The following HDX variants were observed in gnomAD, a reference collection of about 807,000 sequenced individuals.
The protein encoded by HDX is chromosome X open reading frame 43.
A neutral mutation model predicts 45.2 loss-of-function variants in HDX; 19 were observed. That is an observed-to-expected ratio of 0.42 (90% confidence interval 0.29 to 0.62). HDX has a LOEUF of 0.62. HDX is among the 20% of genes least tolerant of loss of function. The pLI, the probability that HDX is intolerant of heterozygous loss-of-function variation, is 0.20. For synonymous variants in HDX, 188 were observed against 172.8 expected, an observed-to-expected ratio of 1.09 and a Z score of -0.69; for missense variants, 532 against 493.9, an observed-to-expected ratio of 1.08 and a Z score of -0.73.
chrX:84,442,158 C>A (rs1436508247), intron 4 of HDX, among the ~76,000 whole-genome samples: 1 of 111,336 alleles, frequency 9.0e-6, no homozygotes, highest in African/African-American at 3.2e-5. Flanking sequence ...CAAACAGATA[C>A]CTCCTGAGAG....
intron 4 of HDX, among the ~76,000 whole-genome samples, chrX:84,466,664 A>C (rs2040358083): frequency 1.8e-5 from 2 of 112,439 alleles, no homozygotes; most frequent in African/African-American, 3.2e-5. Context: ...ATTATCCTTT[A>C]GGGAGTGGTG....
chrX:84,375,598 C>T, intron 5 of HDX, among the ~76,000 whole-genome samples: 1 of 111,217 alleles, frequency 9.0e-6, no homozygotes, highest in Non-Finnish European at 1.9e-5. Context: ...TTTGTAGGGA[C>T]GTGGATGAAA....
intron 5 of HDX, among the ~76,000 whole-genome samples, chrX:84,387,310 C>G (rs1440210399): frequency 9.0e-6 from 1 of 111,519 alleles, no homozygotes; most frequent in African/African-American, 3.3e-5. Flanking sequence ...AATGTATATT[C>G]TGTGGTTGCT....
intron 9 of HDX, among the ~76,000 whole-genome samples, 159 bp from the exon 10 acceptor site, chrX:84,326,459 C>T (rs1021573648): frequency 9.0e-6 from 1 of 111,302 alleles, no homozygotes; most frequent in Non-Finnish European, 1.9e-5. Context: ...AGAAAATGAT[C>T]CTGTTAGTCA....
At chrX:84,360,434 A>T (rs1190005403) in intron 6 of HDX, among the ~76,000 whole-genome samples, 2 of 112,043 alleles carry the variant, frequency 1.8e-5, no homozygotes, top group Non-Finnish European at 3.8e-5. Flanking sequence ...TTAAAACACC[A>T]CACAATTCAT....
At chrX:84,494,950 A>G (rs1248446265) in intron 1 of HDX, among the ~76,000 whole-genome samples, 1 of 111,755 alleles carries the variant, frequency 8.9e-6, no homozygotes, top group Non-Finnish European at 1.9e-5. Flanking sequence ...CTAAGTGTCT[A>G]TCAACAGATG....
chrX:84,367,652 C>T (rs1373199675), intron 5 of HDX, among the ~76,000 whole-genome samples: 12 of 112,086 alleles, frequency 1.1e-4, no homozygotes, highest in Non-Finnish European at 2.1e-4. Context: ...ACATATATAC[C>T]ATGGAATACA....
rs151016263 is a variant in HDX, at chrX:84,344,217, G to A, written c.1660+33C>T. 551 of 1,044,897 alleles carry A rather than the reference G, an allele frequency of 5.3e-4. 4 individuals are homozygous for A. The African/African-American group carries it at 8.6e-3, about 16-fold the overall frequency. The allele number at this position is 1,044,897 out of a possible 1,213,427, so 86.1% of individuals were successfully genotyped here. On this transcript the variant is annotated intron_variant, in intron 7 of 10. Coordinates refer to ENST00000373177, the MANE Select transcript of HDX (RefSeq NM_001177479.2). ...GTACAAAATGCATCAAATTTACAAA[G>A]GCTATTATTAGAAGATTCAGCATAT...
chrX:84,432,220 A>G (rs1407791559), intron 5 of HDX, among the ~76,000 whole-genome samples: 1 of 111,503 alleles, frequency 9.0e-6, no homozygotes, highest in Non-Finnish European at 1.9e-5. Flanking sequence ...CAATACCATG[A>G]CAGTTTGCTT....
At chrX:84,323,468 C>G (rs1160815696) in intron 10 of HDX, among the ~76,000 whole-genome samples, 1 of 111,271 alleles carries the variant, frequency 9.0e-6, no homozygotes, top group Non-Finnish European at 1.9e-5. Context: ...TTCAAATTAA[C>G]ATTGACTGAA....
At chrX:84,483,049 G>A (rs1262664268) in intron 2 of HDX, among the ~76,000 whole-genome samples, 2 of 112,191 alleles carry the variant, frequency 1.8e-5, no homozygotes. Context: ...TTATGCTGAT[G>A]CAAGGAGTGG....
At chrX:84,455,344 G>C (rs1027622339) in intron 4 of HDX, among the ~76,000 whole-genome samples, 28 of 111,841 alleles carry the variant, frequency 2.5e-4, no homozygotes, top group African/African-American at 8.8e-4. Flanking sequence ...ACATTCACCA[G>C]CCTATCAGAT....
At chrX:84,353,896 A>C (rs1217036699) in intron 6 of HDX, among the ~76,000 whole-genome samples, 2 of 111,400 alleles carry the variant, frequency 1.8e-5, no homozygotes, top group South Asian at 7.6e-4. Context: ...CTTAAACTGA[A>C]CCAATATCTA....
rs186551478 is a variant in HDX, at chrX:84,390,269, G to C, written c.1306-28657C>G. Among the ~76,000 whole-genome samples, 174 of 111,319 alleles carry C rather than the reference G, an allele frequency of 1.6e-3. 1 individual carries two copies. Among genetic ancestry groups the C allele is most frequent in the African/African-American group, 5.3e-3 (163 of 30,649 alleles). ...AATGACATGTGCCTCTAGTTTTAAA[G>C]TATACAGTTTTAAAAGTTGTAAAAT... On this transcript the variant is annotated intron_variant, in intron 5 of 10. Coordinates refer to ENST00000373177, the MANE Select transcript of HDX (RefSeq NM_001177479.2).
At chrX:84,498,009 C>G (rs780695994) in intron 1 of HDX, among the ~76,000 whole-genome samples, 2 of 111,567 alleles carry the variant, frequency 1.8e-5, no homozygotes, top group Non-Finnish European at 3.8e-5. Flanking sequence ...CTGTCCCTAA[C>G]TCCAAGGGAA....
chrX:84,409,331 G>A (rs368057964), intron 5 of HDX, among the ~76,000 whole-genome samples: 1,326 of 110,871 alleles, frequency 0.012, 8 homozygotes, highest in Non-Finnish European at 0.019. Flanking sequence ...CTCAGGGATC[G>A]AGAACTAGAA....
intron 5 of HDX, among the ~76,000 whole-genome samples, chrX:84,396,675 A>T (rs1017013008): frequency 9.0e-6 from 1 of 111,690 alleles, no homozygotes; most frequent in Non-Finnish European, 1.9e-5. Flanking sequence ...GGCATCCCCA[A>T]TGGGTTGGGA....
At chrX:84,353,301 G>A (rs73625979) in intron 6 of HDX, among the ~76,000 whole-genome samples, 10,697 of 110,756 alleles carry the variant, frequency 0.097, 769 homozygotes, top group African/African-American at 0.25. Context: ...CCAAATTAAC[G>A]TGTTAAAATC....
intron 5 of HDX, among the ~76,000 whole-genome samples, chrX:84,429,419 T>C (rs753701647): frequency 9.0e-6 from 1 of 110,822 alleles, no homozygotes; most frequent in Non-Finnish European, 1.9e-5. Flanking sequence ...TATCCCTCAG[T>C]ATTTCATATT....
Sources: allele counts gnomAD v4.1 joint callset (sites outside exome capture counted in the v4.1 genomes callset), GRCh38; gene constraint gnomAD v4.1.1; transcripts MANE v1.5; gene names NCBI Gene and HGNC (gene_info 2026-07-23, HGNC 2026-07-21).